Variants in ALK observed in about 807,000 individuals in gnomAD.
The protein encoded by ALK is ALK receptor tyrosine kinase.
A neutral mutation model predicts 163.1 loss-of-function variants in ALK; 74 were observed. The observed-to-expected ratio is 0.45, with a 90% confidence interval of 0.38 to 0.55. The LOEUF (loss-of-function observed/expected upper bound fraction) is 0.55. Among genes scored for constraint, ALK ranks in the 20% least tolerant of loss-of-function variants. ALK has a pLI of 0.00. For synonymous variants in ALK, 960 were observed against 843.2 expected, an observed-to-expected ratio of 1.14 and a Z score of -2.40; for missense variants, 2,063 against 2,105.3, an observed-to-expected ratio of 0.98 and a Z score of 0.39.
In ALK at chr2:29,635,655, C is replaced by T. The variant is rs76785737; in HGVS notation, c.952+59195G>A. Among the ~76,000 whole-genome samples, 644 of 152,136 alleles carry T rather than the reference C, an allele frequency of 4.2e-3. 1 individual carries two copies. In the Middle Eastern group the frequency reaches 0.048, roughly 11 times the overall value. On this transcript the variant is annotated intron_variant, in intron 3 of 28. Coordinates refer to ENST00000389048, the MANE Select transcript of ALK (RefSeq NM_004304.5). ...TTTTTGAGACAGAGTCTCACTCTGT[C>T]CCCCAGGTGTGATCTCGGCTCACTG...
intron 1 of ALK, among the ~76,000 whole-genome samples, chr2:29,771,362 C>G (rs531423718): frequency 6.6e-6 from 1 of 152,266 alleles, no homozygotes; most frequent in African/African-American, 2.4e-5. Flanking sequence ...GTACATAGGA[C>G]AAGTTCTAAT....
chr2:29,434,143 T>G (rs1471521586), intron 4 of ALK, among the ~76,000 whole-genome samples: 1 of 152,186 alleles, frequency 6.6e-6, no homozygotes, highest in Non-Finnish European at 1.5e-5. Context: ...ATTTACGGTA[T>G]TATCCTTGGT....
At chr2:29,595,919 T>G (rs1224350028) in intron 3 of ALK, among the ~76,000 whole-genome samples, 1 of 152,194 alleles carries the variant, frequency 6.6e-6, no homozygotes, top group African/African-American at 2.4e-5. Flanking sequence ...GAATGAACTC[T>G]GGACGAAGAT....
At chr2:29,611,856 C>T (rs1675701405) in intron 3 of ALK, among the ~76,000 whole-genome samples, 1 of 152,206 alleles carries the variant, frequency 6.6e-6, no homozygotes, top group Non-Finnish European at 1.5e-5. Flanking sequence ...GTCATGCTTC[C>T]TGTGAAGCCT....
intron 4 of ALK, among the ~76,000 whole-genome samples, chr2:29,483,698 G>T (rs1027027296): frequency 6.6e-6 from 1 of 152,048 alleles, no homozygotes; most frequent in Non-Finnish European, 1.5e-5. Context: ...TTTCATTTAG[G>T]TTTTGTTTAA....
intron 3 of ALK, among the ~76,000 whole-genome samples, chr2:29,641,405 C>G (rs1360547219): frequency 2.0e-5 from 3 of 152,006 alleles, no homozygotes; most frequent in Non-Finnish European, 4.4e-5. Flanking sequence ...AAAAACAATC[C>G]AATTGCCTGC....
chr2:29,874,582 T>C (rs1666657548), intron 1 of ALK, among the ~76,000 whole-genome samples: 1 of 152,202 alleles, frequency 6.6e-6, no homozygotes, highest in Admixed American at 6.5e-5. Context: ...TTTGGGGATT[T>C]TGTCTCCAAA....
chr2:29,320,860 G>A lies in ALK; in HGVS notation c.1437C>T (p.Tyr479=), dbSNP rs2148251070. Residue 479 remains tyrosine, a synonymous_variant, in exon 7 of 29, where the codon TAC becomes TAT. Coordinates refer to ENST00000389048, the MANE Select transcript of ALK (RefSeq NM_004304.5). ...QMCRKLPVGF[Y]CNFEDGFCGW... is the part of the protein sequence containing the mutation. ...CACAGAAGCCATCTTCAAAGTTGCA[G>A]TAAAAACCCACAGGCAGTTTCCCTA... The A allele has an allele frequency of 6.2e-7, 1 of 1,614,176 alleles. No individual in the cohort carries two copies. Among genetic ancestry groups the A allele is most frequent in the Non-Finnish European group, 8.5e-7 (1 of 1,180,012 alleles).
intron 26 of ALK, 55 bp downstream of exon 26, chr2:29,207,116 C>T (rs1457442952): frequency 7.0e-7 from 1 of 1,438,394 alleles, no homozygotes; most frequent in East Asian, 2.3e-5. Flanking sequence ...GTCCTTTGGC[C>T]CAGGAGCACC....
rs536755667 is a variant in ALK, at chr2:29,914,411, T to G, written c.667+5582A>C. 2.2e-4 allele frequency among the ~76,000 whole-genome samples: 34 copies of G among 152,324 alleles called. No individual in the cohort carries two copies. In the South Asian group the frequency reaches 6.8e-3, roughly 31 times the overall value. On this transcript the variant is annotated intron_variant, in intron 1 of 28. Transcript: ENST00000389048. ...AGATTACAACTCCAGATGGCACCAT[T>G]CAGACAGACTAAAATGTATATGGAA... is the stretch of plus-strand genomic sequence containing the variant.
chr2:29,656,797 A>G (rs1677197369), intron 3 of ALK, among the ~76,000 whole-genome samples: 1 of 152,160 alleles, frequency 6.6e-6, no homozygotes, highest in South Asian at 2.1e-4. Flanking sequence ...AGAGGTAGAC[A>G]TGGCGTTTGA....
chr2:29,783,377 AAGAGAACACATCCAC>A (rs142371058), intron 1 of ALK, among the ~76,000 whole-genome samples: 4,600 of 152,308 alleles, frequency 0.03, 85 homozygotes, highest in East Asian at 0.079. Flanking sequence ...GGACCAAGAA[AAGAGAACACATCCAC>A]AGGTGGCTCC....
intron 3 of ALK, among the ~76,000 whole-genome samples, chr2:29,669,587 A>T (rs1573541697): frequency 6.6e-6 from 1 of 152,106 alleles, no homozygotes; most frequent in Non-Finnish European, 1.5e-5. Context: ...GAATTGAGAC[A>T]ATTTACATTT....
chr2:29,232,590 C>T (rs573376543), intron 14 of ALK, 142 bp from the exon 15 acceptor site: 53 of 1,147,196 alleles, frequency 4.6e-5, no homozygotes, highest in South Asian at 2.9e-4. Context: ...AGGTGGTTTG[C>T]GGGCTCTGAA....
At chr2:29,813,665 C>T (rs1032068330) in intron 1 of ALK, among the ~76,000 whole-genome samples, 52 of 152,290 alleles carry the variant, frequency 3.4e-4, no homozygotes, top group African/African-American at 1.2e-3. Flanking sequence ...TAATGGCCCA[C>T]TGTAGTAATA....
chr2:29,391,050 A>AG (rs1292160760), intron 4 of ALK, among the ~76,000 whole-genome samples: 2 of 151,988 alleles, frequency 1.3e-5, no homozygotes, highest in South Asian at 2.1e-4. Context: ...CAGGCTCTGT[A>AG]GGGGGGGCCA....
At chr2:29,786,179 C>T (rs1386187702) in intron 1 of ALK, among the ~76,000 whole-genome samples, 1 of 152,042 alleles carries the variant, frequency 6.6e-6, no homozygotes, top group Non-Finnish European at 1.5e-5. Context: ...ATTTTCTTTG[C>T]CTAGGTTAGT....
chr2:29,513,096 T>C (rs1263605955), intron 4 of ALK, among the ~76,000 whole-genome samples: 15 of 151,542 alleles, frequency 9.9e-5, no homozygotes, highest in East Asian at 1.9e-4. Flanking sequence ...ATAGATTCAA[T>C]GCCGTCCCCA....
At chr2:29,374,902 C>T (rs1573294302) in intron 5 of ALK, among the ~76,000 whole-genome samples, 1 of 152,268 alleles carries the variant, frequency 6.6e-6, no homozygotes, top group Non-Finnish European at 1.5e-5. Context: ...ATACTAAGGT[C>T]GTGACTGCGA....
Sources: allele counts gnomAD v4.1 joint callset (sites outside exome capture counted in the v4.1 genomes callset), GRCh38; gene constraint gnomAD v4.1.1; transcripts MANE v1.5; gene names NCBI Gene and HGNC (gene_info 2026-07-23, HGNC 2026-07-21).